HECW1: variants seen among roughly 807,000 people sequenced by gnomAD.
HECW1 encodes the protein E3 ubiquitin-protein ligase HECW1.
HECW1 carries 61 observed loss-of-function variants against 182.3 expected under a neutral mutation model. The ratio of observed to expected loss-of-function variants is 0.33; its 90% CI spans 0.27 to 0.41. HECW1 has a LOEUF of 0.41. Ranked by LOEUF, HECW1 falls within the 10% of genes least tolerant of loss-of-function variation. The pLI, the probability that HECW1 is intolerant of heterozygous loss-of-function variation, is 1.00. For missense variants in HECW1, 1,739 were observed against 2,108.9 expected, an observed-to-expected ratio of 0.82 and a Z score of 3.44; for synonymous variants, 859 against 832.6, an observed-to-expected ratio of 1.03 and a Z score of -0.55.
At chr7:43,525,542 G>C (rs1350883394) in intron 24 of HECW1, among the ~76,000 whole-genome samples, 1 of 152,162 alleles carries the variant, frequency 6.6e-6, no homozygotes, top group Non-Finnish European at 1.5e-5. Flanking sequence ...AAACCACCTA[G>C]CATCAGTTAT....
Position 43,444,090 on chromosome 7 carries a change from C to A in HECW1, c.1046-128C>A. On this transcript the variant is annotated intron_variant, in intron 10 of 29. Coordinates refer to ENST00000395891, the MANE Select transcript of HECW1 (RefSeq NM_015052.5). This position sits in a 1 kb window ranked among gnomAD's most constrained non-coding sequence, Gnocchi z 4.3. The stretch of plus-strand genomic sequence containing the variant: ...CTAGAGCTCTGGCCAGTGAGAAACC[C>A]TCATCAACCTACATTCAATATCCTA... 1.0e-6 allele frequency: 1 copy of A among 958,306 alleles called. No homozygotes were observed. The highest frequency in any genetic ancestry group is 1.5e-6 in the Non-Finnish European group (1 of 660,016). The allele number at this position is 958,306 out of a possible 1,614,324, so 59.4% of individuals were successfully genotyped here.
At chr7:43,241,991 G>A (rs1329669347) in intron 2 of HECW1, among the ~76,000 whole-genome samples, 1 of 152,040 alleles carries the variant, frequency 6.6e-6, no homozygotes, top group African/African-American at 2.4e-5. Context: ...CTCCAAGGAA[G>A]GGGTAAATAA....
At chr7:43,472,584 G>A (rs9639876) in intron 16 of HECW1, among the ~76,000 whole-genome samples, 6,922 of 151,568 alleles carry the variant, frequency 0.046, 172 homozygotes, top group South Asian at 0.13. Context: ...AAGTATTAAT[G>A]TTAATTATAT....
At chr7:43,547,434 C>G (rs1180305401) in intron 26 of HECW1, among the ~76,000 whole-genome samples, 1 of 152,016 alleles carries the variant, frequency 6.6e-6, no homozygotes, top group Non-Finnish European at 1.5e-5. Flanking sequence ...GTAATCTCAG[C>G]TACTCGGGAG....
chr7:43,152,671 T>C (rs1171805807), intron 2 of HECW1, among the ~76,000 whole-genome samples: 3 of 152,216 alleles, frequency 2.0e-5, no homozygotes, highest in Non-Finnish European at 4.4e-5. Flanking sequence ...CTATATTTCC[T>C]GTTAGAAGCT....
rs2082222461 is a variant in HECW1 at position 43,562,008 on chromosome 7, C to T, written c.*82C>T. ...GATCCCCTTTTCCCTTTCCCTTAATCAACTCTCCTTTGATTTTGGTATTCC... is the reference window on the plus strand; with the variant it reads ...GATCCCCTTTTCCCTTTCCCTTAATTAACTCTCCTTTGATTTTGGTATTCC... On this transcript the variant is annotated 3_prime_UTR_variant, in exon 30 of 30. Coordinates refer to ENST00000395891, the MANE Select transcript of HECW1 (RefSeq NM_015052.5). 7 of 786,954 alleles carry T rather than the reference C, an allele frequency of 8.9e-6. No individual in the cohort carries two copies. The highest frequency in any genetic ancestry group is 7.8e-5 in the South Asian group (5 of 63,726). 48.7% of individuals were successfully genotyped at this position (786,954 alleles called of 1,614,324 possible).
intron 2 of HECW1, among the ~76,000 whole-genome samples, chr7:43,195,836 TC>T (rs1442028896): frequency 6.6e-6 from 1 of 152,158 alleles, no homozygotes; most frequent in Non-Finnish European, 1.5e-5. Context: ...TCATGAAAAT[TC>T]CTGGAAGAAG....
chr7:43,471,698 A>G (rs1193893465), intron 16 of HECW1, among the ~76,000 whole-genome samples: 3 of 152,130 alleles, frequency 2.0e-5, no homozygotes, highest in Non-Finnish European at 4.4e-5. Flanking sequence ...TCCAAGTCTA[A>G]GCTGAGGGAG....
chr7:43,143,475 A>G (rs1348709873), intron 2 of HECW1, among the ~76,000 whole-genome samples: 1 of 151,514 alleles, frequency 6.6e-6, no homozygotes, highest in Non-Finnish European at 1.5e-5. Context: ...TGTTAGAGAC[A>G]GGCTCTCACC....
At chr7:43,297,332 C>T (rs976722606) in intron 3 of HECW1, among the ~76,000 whole-genome samples, 2 of 152,230 alleles carry the variant, frequency 1.3e-5, no homozygotes, top group African/African-American at 4.8e-5. Context: ...TTATTTATTT[C>T]TAACACTTCC....
intron 2 of HECW1, among the ~76,000 whole-genome samples, chr7:43,204,115 T>C (rs1187458238): frequency 6.6e-6 from 1 of 152,220 alleles, no homozygotes; most frequent in African/African-American, 2.4e-5. Context: ...AGAACTCTTA[T>C]ACCTTGGCAC....
chr7:43,124,139 T>G (rs927785048), intron 2 of HECW1, among the ~76,000 whole-genome samples: 5 of 152,220 alleles, frequency 3.3e-5, no homozygotes, highest in African/African-American at 1.2e-4. Flanking sequence ...CTAAACGATG[T>G]AATCGACGCA....
chr7:43,183,612 A>G lies in HECW1; in HGVS notation c.-31-60263A>G, dbSNP rs747695393. 2.0e-5 allele frequency among the ~76,000 whole-genome samples: 3 copies of G among 152,322 alleles called. No individual in the cohort carries two copies. In the South Asian group the frequency reaches 6.2e-4, roughly 32 times the overall value. On this transcript the variant is annotated intron_variant, in intron 2 of 29. Coordinates refer to ENST00000395891, the MANE Select transcript of HECW1 (RefSeq NM_015052.5). ...AATAATAAAATATAAAATCTTCTTT[A>G]TATAAATTCTGTGAAGTCAATTGAT...
At chr7:43,490,202 C>A (rs991300993) in intron 17 of HECW1, among the ~76,000 whole-genome samples, 3 of 152,170 alleles carry the variant, frequency 2.0e-5, no homozygotes, top group African/African-American at 7.2e-5. Flanking sequence ...AACAGCCAAG[C>A]TTCAGTCAGT....
intron 3 of HECW1, among the ~76,000 whole-genome samples, chr7:43,308,811 G>A (rs1428019602): frequency 6.6e-6 from 1 of 151,962 alleles, no homozygotes; most frequent in African/African-American, 2.4e-5. Flanking sequence ...TAGTAGAGAC[G>A]GGGCTTCGCC....
At chr7:43,127,329 G>A (rs1164556095) in intron 2 of HECW1, among the ~76,000 whole-genome samples, 1 of 152,058 alleles carries the variant, frequency 6.6e-6, no homozygotes, top group East Asian at 1.9e-4. Context: ...TTTGAGGCCA[G>A]CCTGACCAAC....
intron 3 of HECW1, among the ~76,000 whole-genome samples, chr7:43,308,041 G>A (rs28392184): frequency 0.51 from 54,544 of 107,316 alleles, 14,944 homozygotes; most frequent in African/African-American, 0.78. Context: ...ATATTATATT[G>A]TATTATATAT....
At chr7:43,278,573 A>G (rs1039836342) in intron 3 of HECW1, among the ~76,000 whole-genome samples, 9 of 151,762 alleles carry the variant, frequency 5.9e-5, no homozygotes, top group Admixed American at 3.3e-4. Flanking sequence ...AGCCCCAACC[A>G]TGGCCTCCGA....
At chr7:43,185,191 T>C (rs1793273398) in intron 2 of HECW1, among the ~76,000 whole-genome samples, 3 of 152,010 alleles carry the variant, frequency 2.0e-5, no homozygotes, top group Admixed American at 6.6e-5. Flanking sequence ...GCTGAACACA[T>C]GGGGAGATTC....
Sources: gnomAD v4.1 joint callset for allele counts (sites outside exome capture counted in the v4.1 genomes callset) on GRCh38, gnomAD v4.1.1 for gene constraint, Gnocchi (gnomAD v3.1) non-coding constraint, MANE v1.5 for transcripts, NCBI Gene and HGNC (gene_info 2026-07-23, HGNC 2026-07-21) for gene names.